The following PREX2 variants were observed in gnomAD, a reference collection of about 807,000 sequenced individuals.
PREX2 encodes phosphatidylinositol 3,4,5-trisphosphate-dependent Rac exchanger 2 protein.
PREX2 carries 107 observed loss-of-function variants against 203.2 expected under a neutral mutation model. That is an observed-to-expected ratio of 0.53 (90% CI 0.45 to 0.62). The LOEUF (loss-of-function observed/expected upper bound fraction) is 0.62. PREX2 is among the 20% of genes least tolerant of loss of function. The probability of loss-of-function intolerance (pLI) is 0.00; values close to 1 mark genes in which losing one functional copy is unlikely to be tolerated. For missense variants in PREX2, 1,777 were observed against 1,955.9 expected, an observed-to-expected ratio of 0.91 and a Z score of 1.72; for synonymous variants, 672 against 663.6, an observed-to-expected ratio of 1.01 and a Z score of -0.19.
chr8:68,153,205 C>T (rs949022637), intron 34 of PREX2, among the ~76,000 whole-genome samples: 17 of 152,188 alleles, frequency 1.1e-4, no homozygotes, highest in Admixed American at 5.2e-4. Context: ...TCTAGCAGTG[C>T]GTGTGCTGTG....
intron 1 of PREX2, among the ~76,000 whole-genome samples, chr8:67,970,207 C>G (rs62522405): frequency 0.14 from 20,738 of 152,026 alleles, 1,866 homozygotes; most frequent in African/African-American, 0.26. Context: ...ATCTGTTAAT[C>G]TAAACAGATC....
chr8:68,230,893 T>C (rs529253112), intron 39 of PREX2, among the ~76,000 whole-genome samples: 1 of 152,156 alleles, frequency 6.6e-6, no homozygotes, highest in Non-Finnish European at 1.5e-5. Flanking sequence ...TAGTACAAAA[T>C]GAAGCACATT....
At chr8:68,015,129 G>A (rs974736735) in intron 1 of PREX2, among the ~76,000 whole-genome samples, 2 of 152,178 alleles carry the variant, frequency 1.3e-5, no homozygotes, top group African/African-American at 4.8e-5. Flanking sequence ...ATGCTTCCTT[G>A]ATTGATATAA....
At chr8:68,101,583 C>G (rs10097733) in intron 23 of PREX2, among the ~76,000 whole-genome samples, 1 of 151,932 alleles carries the variant, frequency 6.6e-6, no homozygotes, top group African/African-American at 2.4e-5. Context: ...AAAACATGAC[C>G]GTGCTTTGAA....
intron 36 of PREX2, 147 bp from the exon 37 acceptor site, chr8:68,192,188 G>A (rs751943970): frequency 3.3e-6 from 2 of 611,512 alleles, no homozygotes; most frequent in Non-Finnish European, 5.6e-6. Flanking sequence ...AGAGACATAT[G>A]AGTAATTATA....
rs887121758 is a variant in PREX2, at chr8:68,114,380, G to T, written c.3147-1373G>T. 5.5e-5 allele frequency: 26 copies of T among 475,478 alleles called. No homozygotes were observed. In the Middle Eastern group the frequency reaches 9.7e-4, roughly 18 times the overall value. 29.5% of individuals were successfully genotyped at this position (475,478 alleles called of 1,614,324 possible). ...AATGAGAATCAAGATATGTGCTACT[G>T]ATTGGAACTGAAAATCACAGGTATT... is the stretch of plus-strand genomic sequence containing the variant. On this transcript the variant is annotated intron_variant, in intron 25 of 39. Transcript: ENST00000288368.
chr8:67,981,283 A>T (rs376350472), intron 1 of PREX2, among the ~76,000 whole-genome samples: 1 of 152,184 alleles, frequency 6.6e-6, no homozygotes, highest in African/African-American at 2.4e-5. Flanking sequence ...CACTCTGTCA[A>T]GGGATTGCAA....
At chr8:68,227,212 A>G (rs1393014186) in intron 39 of PREX2, among the ~76,000 whole-genome samples, 2 of 152,220 alleles carry the variant, frequency 1.3e-5, no homozygotes, top group African/African-American at 2.4e-5. Flanking sequence ...AAAAAAAATT[A>G]TGGTAGTATT....
At chr8:68,088,131 G>T (rs2129612125) in intron 19 of PREX2, among the ~76,000 whole-genome samples, 1 of 152,064 alleles carries the variant, frequency 6.6e-6, no homozygotes, top group African/African-American at 2.4e-5. Context: ...GTATTTCTTT[G>T]TCAGTAATCC....
At chr8:68,157,716 A>C (rs374727265) in intron 35 of PREX2, among the ~76,000 whole-genome samples, 136 of 152,192 alleles carry the variant, frequency 8.9e-4, no homozygotes, top group African/African-American at 3.0e-3. Flanking sequence ...GTTTCCAAGA[A>C]AGAAAATCAC....
chr8:68,035,428 G>A (rs1187379938), intron 6 of PREX2, among the ~76,000 whole-genome samples: 5 of 152,052 alleles, frequency 3.3e-5, no homozygotes, highest in African/African-American at 1.2e-4. Flanking sequence ...AAGGCCTCCT[G>A]TCATCTTTCA....
At chr8:67,997,988 C>A (rs35158303) in intron 1 of PREX2, among the ~76,000 whole-genome samples, 15,178 of 152,126 alleles carry the variant, frequency 0.1, 790 homozygotes, top group South Asian at 0.15. Flanking sequence ...TTCATTTGTT[C>A]ACCACTAGCT....
chr8:67,953,804 C>T (rs1805422415), intron 1 of PREX2, among the ~76,000 whole-genome samples: 1 of 152,138 alleles, frequency 6.6e-6, no homozygotes. Flanking sequence ...TGAGAATATC[C>T]TGGTAACTGG....
At chr8:68,113,321 A>G (rs1394064256) in intron 25 of PREX2, among the ~76,000 whole-genome samples, 2 of 152,228 alleles carry the variant, frequency 1.3e-5, no homozygotes, top group Non-Finnish European at 2.9e-5. Context: ...CATGACTTCT[A>G]ATTTAAAAGA....
chr8:68,052,958 T>G (rs902433064), intron 8 of PREX2, 139 bp from the exon 9 acceptor site: 18 of 692,152 alleles, frequency 2.6e-5, no homozygotes, highest in African/African-American at 2.2e-4. Context: ...ATGTTTATGT[T>G]TTTCAATATA....
intron 14 of PREX2, among the ~76,000 whole-genome samples, chr8:68,075,606 C>A (rs1247826279): frequency 6.6e-6 from 1 of 152,106 alleles, no homozygotes; most frequent in African/African-American, 2.4e-5. Context: ...CTTTTAATGA[C>A]CAAATCCTAC....
chr8:68,206,932 G>A (rs1812636833), intron 37 of PREX2, among the ~76,000 whole-genome samples: 1 of 152,074 alleles, frequency 6.6e-6, no homozygotes, highest in African/African-American at 2.4e-5. Flanking sequence ...TATAGTCCAA[G>A]GATTGGGTTT....
Position 68,214,557 on chromosome 8 carries a change from A to C in PREX2, c.4605-3059A>C, listed in dbSNP as rs758924482. Among the ~76,000 whole-genome samples the C allele has an allele frequency of 1.1e-4, 16 of 152,210 alleles. 1 individual carries two copies. Among genetic ancestry groups the C allele is most frequent in the Non-Finnish European group, 2.4e-4 (16 of 68,038 alleles). ...TAAACCTGACTCTGAGTATATATTT[A>C]TGTACCACTGAAAAACTGTGTGCCA... On this transcript the variant is annotated intron_variant, in intron 37 of 39. Coordinates refer to ENST00000288368, the MANE Select transcript of PREX2 (RefSeq NM_024870.4).
intron 37 of PREX2, among the ~76,000 whole-genome samples, chr8:68,213,795 A>G (rs1812784725): frequency 6.6e-6 from 1 of 152,202 alleles, no homozygotes; most frequent in Non-Finnish European, 1.5e-5. Context: ...GCTTCCTCAC[A>G]TGTATACTCT....
Sources: gnomAD v4.1 joint callset for allele counts (sites outside exome capture counted in the v4.1 genomes callset) on GRCh38, gnomAD v4.1.1 for gene constraint, MANE v1.5 for transcripts, NCBI Gene and HGNC (gene_info 2026-07-23, HGNC 2026-07-21) for gene names.